The following PCDH11X variants were observed in gnomAD, a reference collection of about 807,000 sequenced individuals.
PCDH11X encodes the protein protocadherin 11 X-linked, also known as protocadherin-11 X-linked.
PCDH11X carries 18 observed loss-of-function variants against 53.3 expected under a neutral mutation model. That is an observed-to-expected ratio of 0.34 (90% confidence interval 0.23 to 0.50). The LOEUF (loss-of-function observed/expected upper bound fraction) is 0.50, where lower values mean the gene tolerates loss of function less well. PCDH11X is among the 20% of genes least tolerant of loss of function. The probability of loss-of-function intolerance (pLI) is 0.98; values close to 1 mark genes in which losing one functional copy is unlikely to be tolerated. For synonymous variants in PCDH11X, 279 were observed against 393.3 expected (o/e 0.71, Z 3.44); for missense variants, 570 against 1,032.4 (o/e 0.55, Z 6.14).
intron 6 of PCDH11X, among the ~76,000 whole-genome samples, chrX:91,988,746 C>T (rs1412290114): frequency 8.9e-6 from 1 of 111,981 alleles, no homozygotes; most frequent in Admixed American, 9.5e-5. Flanking sequence ...ATGCAGTTGT[C>T]GAACACTAGT....
intron 6 of PCDH11X, among the ~76,000 whole-genome samples, chrX:91,946,974 A>G (rs1214044075): frequency 1.9e-5 from 2 of 105,206 alleles, no homozygotes; most frequent in Non-Finnish European, 3.9e-5. Flanking sequence ...TTAACTCCAG[A>G]ACACCTAATG....
At chrX:92,402,805 G>C (rs987584688) in intron 9 of PCDH11X, among the ~76,000 whole-genome samples, 1 of 111,356 alleles carries the variant, frequency 9.0e-6, no homozygotes, top group Non-Finnish European at 1.9e-5. Context: ...CTTCTGCACA[G>C]CAAAATAACT....
At chrX:92,097,914 T>G (rs908525650) in intron 6 of PCDH11X, among the ~76,000 whole-genome samples, 2 of 110,975 alleles carry the variant, frequency 1.8e-5, no homozygotes, top group East Asian at 2.8e-4. Flanking sequence ...GTAAATGCTA[T>G]GTAAATAGTC....
chrX:92,004,189 GT>G (rs2062558366), intron 6 of PCDH11X, among the ~76,000 whole-genome samples: 1 of 111,527 alleles, frequency 9.0e-6, no homozygotes, highest in Non-Finnish European at 1.9e-5. Flanking sequence ...ATTTATATAG[GT>G]TTCAAAGTTC....
At chrX:91,990,662 G>A (rs1411611664) in intron 6 of PCDH11X, among the ~76,000 whole-genome samples, 1 of 108,684 alleles carries the variant, frequency 9.2e-6, no homozygotes, top group South Asian at 4.1e-4. Context: ...CAGGGATAGC[G>A]GAAATCCCAA....
intron 1 of PCDH11X, among the ~76,000 whole-genome samples, chrX:91,805,349 C>A (rs1475533333): frequency 9.0e-6 from 1 of 111,364 alleles, no homozygotes; most frequent in Non-Finnish European, 1.9e-5. Flanking sequence ...TTGCATATCT[C>A]ATATATATTA....
intron 10 of PCDH11X, among the ~76,000 whole-genome samples, chrX:92,581,033 T>C (rs1409191135): frequency 9.0e-6 from 1 of 110,766 alleles, no homozygotes; most frequent in Non-Finnish European, 1.9e-5. Flanking sequence ...TGGTGAGAGC[T>C]GCTGACCACC....
intron 10 of PCDH11X, among the ~76,000 whole-genome samples, chrX:92,603,547 T>A (rs1602427170): frequency 1.1e-4 from 9 of 82,500 alleles, no homozygotes; most frequent in African/African-American, 2.7e-4. Flanking sequence ...ATAAAGAAAA[T>A]AAGAAAATTT....
At chrX:92,535,759 T>A (rs1602277788) in intron 10 of PCDH11X, among the ~76,000 whole-genome samples, 1 of 112,073 alleles carries the variant, frequency 8.9e-6, no homozygotes, top group East Asian at 2.8e-4. Flanking sequence ...TGCCATATAG[T>A]ACCAGTAAGA....
intron 5 of PCDH11X, among the ~76,000 whole-genome samples, chrX:91,856,690 G>A (rs1410023130): frequency 1.8e-5 from 2 of 110,226 alleles, no homozygotes; most frequent in Non-Finnish European, 3.8e-5. Flanking sequence ...TTATAAGTTA[G>A]AACATGTGGT....
chrX:92,183,458 T>A (rs2066034068), intron 6 of PCDH11X, among the ~76,000 whole-genome samples: 1 of 110,342 alleles, frequency 9.1e-6, no homozygotes. Flanking sequence ...GGTTTCTCCA[T>A]GTTGGTGAGG....
At chrX:91,948,085 A>G (rs759413471) in intron 6 of PCDH11X, among the ~76,000 whole-genome samples, 3 of 101,588 alleles carry the variant, frequency 3.0e-5, no homozygotes, top group Non-Finnish European at 6.1e-5. Flanking sequence ...TTTTTACTTC[A>G]TTCTCATGTA....
chrX:92,490,513 A>G (rs1389595769), intron 10 of PCDH11X, among the ~76,000 whole-genome samples: 2 of 110,740 alleles, frequency 1.8e-5, no homozygotes, highest in East Asian at 2.9e-4. Context: ...TACATCCTGT[A>G]TCGATGATCC....
intron 9 of PCDH11X, among the ~76,000 whole-genome samples, chrX:92,395,261 A>G (rs2071219260): frequency 9.0e-6 from 1 of 111,410 alleles, no homozygotes; most frequent in African/African-American, 3.3e-5. Flanking sequence ...CTTCTCTTGC[A>G]ATTTGTATAG....
chrX:92,038,502 G>T (rs1449792792), intron 6 of PCDH11X, among the ~76,000 whole-genome samples: 2 of 112,126 alleles, frequency 1.8e-5, no homozygotes, highest in Admixed American at 9.4e-5. Flanking sequence ...TTGAGGTTTG[G>T]GAACCTCTGA....
chrX:91,975,784 A>G (rs2062038069), intron 6 of PCDH11X, among the ~76,000 whole-genome samples: 1 of 111,011 alleles, frequency 9.0e-6, no homozygotes, highest in Non-Finnish European at 1.9e-5. Context: ...GATCATTGAT[A>G]AGGTAGTTTA....
At chrX:92,365,907 G>A (rs1413123931) in intron 8 of PCDH11X, among the ~76,000 whole-genome samples, 11 of 110,225 alleles carry the variant, frequency 1.0e-4, no homozygotes, top group African/African-American at 1.7e-4. Flanking sequence ...GAGGATTTTC[G>A]CATGGACGTT....
At chrX:92,398,914 C>T (rs1226733521) in intron 9 of PCDH11X, among the ~76,000 whole-genome samples, 16 of 110,668 alleles carry the variant, frequency 1.4e-4, no homozygotes, top group African/African-American at 3.3e-4. Flanking sequence ...ATATTTTAGC[C>T]GGGCGTGGTG....
chrX:92,089,269 TTCCC>T (rs2148115875), intron 6 of PCDH11X, among the ~76,000 whole-genome samples: 1 of 111,847 alleles, frequency 8.9e-6, no homozygotes, highest in Non-Finnish European at 1.9e-5. Context: ...ACAGAGAATC[TTCCC>T]AAATAATGAC....
Sources: gnomAD v4.1 joint callset for allele counts (sites outside exome capture counted in the v4.1 genomes callset) on GRCh38, gnomAD v4.1.1 for gene constraint, MANE v1.5 for transcripts, NCBI Gene and HGNC (gene_info 2026-07-23, HGNC 2026-07-21) for gene names.